Variants in ADARB2 observed in about 807,000 individuals in gnomAD.
ADARB2 encodes inactive double-stranded RNA-specific editase B2.
ADARB2 carries 25 observed loss-of-function variants against 62.2 expected under a neutral mutation model. The ratio of observed to expected loss-of-function variants is 0.40; its 90% CI spans 0.29 to 0.56. The LOEUF (loss-of-function observed/expected upper bound fraction) is 0.56. Ranked by LOEUF, ADARB2 falls within the 20% of genes least tolerant of loss-of-function variation. The pLI, the probability that ADARB2 is intolerant of heterozygous loss-of-function variation, is 0.43. For synonymous variants in ADARB2, 572 were observed against 500.8 expected, an observed-to-expected ratio of 1.14 and a Z score of -1.90; for missense variants, 1,071 against 1,077.4, an observed-to-expected ratio of 0.99 and a Z score of 0.08.
At chr10:1,318,408 A>C (rs1263948169) in intron 3 of ADARB2, among the ~76,000 whole-genome samples, 1 of 151,556 alleles carries the variant, frequency 6.6e-6, no homozygotes, top group Non-Finnish European at 1.5e-5. Flanking sequence ...GAGAGAGATC[A>C]TGGGCTGGGC....
At chr10:1,450,269 T>C (rs1831020289) in intron 1 of ADARB2, among the ~76,000 whole-genome samples, 3 of 152,274 alleles carry the variant, frequency 2.0e-5, no homozygotes, top group African/African-American at 7.2e-5. Context: ...TATGCAATTA[T>C]AGTCTGTTAC....
intron 3 of ADARB2, among the ~76,000 whole-genome samples, chr10:1,281,243 A>G (rs1831368282): frequency 6.6e-6 from 1 of 152,332 alleles, no homozygotes; most frequent in Non-Finnish European, 1.5e-5. Flanking sequence ...GGGGCTCTTC[A>G]GGCCTGGAGG....
At chr10:1,287,064 A>C (rs76441753) in intron 3 of ADARB2, among the ~76,000 whole-genome samples, 1 of 152,150 alleles carries the variant, frequency 6.6e-6, no homozygotes, top group Non-Finnish European at 1.5e-5. Context: ...AGTTTTGAGG[A>C]GGCGTATGTT....
At chr10:1,619,857 G>A (rs971000738) in intron 1 of ADARB2, among the ~76,000 whole-genome samples, 1 of 152,062 alleles carries the variant, frequency 6.6e-6, no homozygotes, top group Non-Finnish European at 1.5e-5. Context: ...TGATGTTTTT[G>A]ACCACAATGA....
At chr10:1,497,068 G>A (rs1262323338) in intron 1 of ADARB2, among the ~76,000 whole-genome samples, 1 of 152,152 alleles carries the variant, frequency 6.6e-6, no homozygotes, top group Non-Finnish European at 1.5e-5. Flanking sequence ...CCTGTCACTG[G>A]CTTTTGAATC....
intron 1 of ADARB2, among the ~76,000 whole-genome samples, chr10:1,585,322 C>G (rs1762932503): frequency 6.6e-6 from 1 of 152,038 alleles, no homozygotes; most frequent in African/African-American, 2.4e-5. Flanking sequence ...AGGGAAAAGT[C>G]GAGTTGGGAA....
At chr10:1,694,788 G>A (rs1425903711) in intron 1 of ADARB2, among the ~76,000 whole-genome samples, 3 of 152,194 alleles carry the variant, frequency 2.0e-5, no homozygotes, top group Non-Finnish European at 2.9e-5. Context: ...GCTCAGAGCC[G>A]AGGGAGGGAG....
At chr10:1,242,722 G>A (rs1254588781) in intron 4 of ADARB2, among the ~76,000 whole-genome samples, 4 of 152,128 alleles carry the variant, frequency 2.6e-5, no homozygotes, top group African/African-American at 7.2e-5. Context: ...GTCCTCCAAC[G>A]GGATCAGGGC....
At chr10:1,544,334 G>A (rs764854670) in intron 1 of ADARB2, among the ~76,000 whole-genome samples, 2 of 152,230 alleles carry the variant, frequency 1.3e-5, no homozygotes, top group Non-Finnish European at 2.9e-5. Flanking sequence ...TGAAGCCCCC[G>A]GGGGTGCGGA....
At chr10:1,572,098 TGCAGGTGAGTGGACAGGTGAGTAG>T (rs1262315576) in intron 1 of ADARB2, among the ~76,000 whole-genome samples, 13 of 137,502 alleles carry the variant, frequency 9.5e-5, no homozygotes, top group African/African-American at 3.6e-4. Context: ...CTGGTGAGTG[TGCAGGTGAGTGGACAGGTGAGTAG>T]GCAGGTGAGT....
rs182867242 is a variant in ADARB2, at chr10:1,478,739, C to T, written c.101-99579G>A. ...AAACAAGGACCCTCGGACGGGAGAG[C>T]GCCAAAACAAGGACCCTCGGATGGG... On this transcript the variant is annotated intron_variant, in intron 1 of 9. Transcript: ENST00000381312. Among the ~76,000 whole-genome samples, 1,290 of 147,758 alleles carry T rather than the reference C, an allele frequency of 8.7e-3. 13 individuals are homozygous for T. Among genetic ancestry groups the T allele is most frequent in the African/African-American group, 0.026 (1,048 of 39,814 alleles).
intron 1 of ADARB2, among the ~76,000 whole-genome samples, chr10:1,536,228 T>C (rs1040441951): frequency 6.6e-6 from 1 of 152,062 alleles, no homozygotes; most frequent in Middle Eastern, 3.2e-3. Flanking sequence ...GCCCTCACGA[T>C]TAGAAGAGAA....
chr10:1,586,707 T>C (rs560680711), intron 1 of ADARB2, among the ~76,000 whole-genome samples: 2 of 152,350 alleles, frequency 1.3e-5, no homozygotes, highest in South Asian at 2.1e-4. Flanking sequence ...AATAGATTCC[T>C]GGATTCTCTG....
At chr10:1,368,568 C>T (rs1017824280) in intron 2 of ADARB2, among the ~76,000 whole-genome samples, 6 of 152,134 alleles carry the variant, frequency 3.9e-5, no homozygotes, top group Non-Finnish European at 7.3e-5. Flanking sequence ...GTTGCGTCTC[C>T]CTCCTTGAGA....
At chr10:1,720,886 C>T (rs140169832) in intron 1 of ADARB2, among the ~76,000 whole-genome samples, 10 of 152,298 alleles carry the variant, frequency 6.6e-5, no homozygotes, top group African/African-American at 2.4e-4. Flanking sequence ...GCCACTGGCT[C>T]GCTGCAGTGC....
chr10:1,191,255 G>T (rs1836840993), intron 8 of ADARB2, among the ~76,000 whole-genome samples: 1 of 152,248 alleles, frequency 6.6e-6, no homozygotes, highest in Non-Finnish European at 1.5e-5. Flanking sequence ...CGGTCCAGGA[G>T]GGTGGGGGGC....
chr10:1,563,428 A>G (rs1168100151), intron 1 of ADARB2, among the ~76,000 whole-genome samples: 1 of 152,088 alleles, frequency 6.6e-6, no homozygotes, highest in Non-Finnish European at 1.5e-5. Context: ...CATCTCCCAC[A>G]TCAGATGCTT....
In ADARB2 at chr10:1,183,177, G is replaced by T; in HGVS notation, c.*16C>A. ...TCCAGCGTCCCGCTCAGCTCCAGCA[G>T]CCAGGAGCCCGCAGCCTAGAGAGTC... On this transcript the variant is annotated 3_prime_UTR_variant, in exon 10 of 10. Coordinates refer to ENST00000381312, the MANE Select transcript of ADARB2 (RefSeq NM_018702.4). The T allele has an allele frequency of 1.9e-6, 3 of 1,610,400 alleles. No individual in the cohort carries two copies. The highest frequency in any genetic ancestry group is 8.5e-7 in the Non-Finnish European group (1 of 1,178,386).
chr10:1,394,969 G>A (rs1289218664), intron 1 of ADARB2: 1 of 454,578 alleles, frequency 2.2e-6, no homozygotes, highest in African/African-American at 2.0e-5. Flanking sequence ...CCCCAGGCTG[G>A]AGTGCAGTGG....
Sources: allele counts gnomAD v4.1 joint callset (sites outside exome capture counted in the v4.1 genomes callset), GRCh38; gene constraint gnomAD v4.1.1; transcripts MANE v1.5; gene names NCBI Gene and HGNC (gene_info 2026-07-23, HGNC 2026-07-21).